VPS53: variants seen among roughly 807,000 people sequenced by gnomAD.
VPS53 encodes the protein vacuolar protein sorting-associated protein 53 homolog.
Under a neutral mutation model 107.0 loss-of-function variants are expected in VPS53, and 70 were observed. That is an observed-to-expected ratio of 0.65 (90% CI 0.54 to 0.80). The LOEUF (loss-of-function observed/expected upper bound fraction) is 0.80. VPS53 is among the 30% of genes least tolerant of loss of function. The pLI is 0.00. For synonymous variants in VPS53, 409 were observed against 393.3 expected, an observed-to-expected ratio of 1.04 and a Z score of -0.47; for missense variants, 917 against 1,049.4, an observed-to-expected ratio of 0.87 and a Z score of 1.74.
At chr17:560,665 G>A in intron 14 of VPS53, 92 bp from the exon 15 acceptor site, 1 of 1,477,974 alleles carries the variant, frequency 6.8e-7, no homozygotes, top group Non-Finnish European at 9.1e-7. Flanking sequence ...AGAAAAGGGG[G>A]AAGTAAAGGC....
At chr17:593,068 C>G (rs1967756627) in intron 12 of VPS53, among the ~76,000 whole-genome samples, 2 of 152,090 alleles carry the variant, frequency 1.3e-5, no homozygotes, top group Admixed American at 1.3e-4. Flanking sequence ...AAAGGATTCC[C>G]TATTTAATAA....
At chr17:666,708 AAG>A (rs1971705422) in intron 4 of VPS53, among the ~76,000 whole-genome samples, 1 of 151,892 alleles carries the variant, frequency 6.6e-6, no homozygotes, top group Non-Finnish European at 1.5e-5. Context: ...TCATGAGGTC[AAG>A]AGTTTGTGAC....
chr17:687,791 T>TC (rs1475829928), intron 4 of VPS53, among the ~76,000 whole-genome samples: 6 of 151,872 alleles, frequency 4.0e-5, no homozygotes, highest in African/African-American at 1.5e-4. Flanking sequence ...TTAATTCTAA[T>TC]CCCCCCTAAC....
chr17:602,764 A>G (rs956945971), intron 11 of VPS53, among the ~76,000 whole-genome samples: 3 of 152,224 alleles, frequency 2.0e-5, no homozygotes, highest in African/African-American at 7.2e-5. Flanking sequence ...AGGGTCACTG[A>G]TGACGTTAAT....
intron 4 of VPS53, among the ~76,000 whole-genome samples, chr17:664,605 A>C (rs185167033): frequency 1.3e-5 from 2 of 152,140 alleles, no homozygotes; most frequent in Non-Finnish European, 2.9e-5. Context: ...TGAAGGGTCT[A>C]AACAAGGGAC....
intron 4 of VPS53, among the ~76,000 whole-genome samples, chr17:678,795 C>A (rs144942687): frequency 3.0e-4 from 46 of 152,040 alleles, no homozygotes; most frequent in African/African-American, 1.2e-4. Flanking sequence ...CCCGCCATCA[C>A]GCCTGGCTAA....
At chr17:662,103 T>C (rs1275326078) in intron 4 of VPS53, among the ~76,000 whole-genome samples, 1 of 152,176 alleles carries the variant, frequency 6.6e-6, no homozygotes, top group Non-Finnish European at 1.5e-5. Context: ...CTTACCAATG[T>C]TCCTCACAAA....
intron 12 of VPS53, among the ~76,000 whole-genome samples, chr17:587,959 G>T (rs1967411542): frequency 6.6e-6 from 1 of 152,172 alleles, no homozygotes; most frequent in Non-Finnish European, 1.5e-5. Flanking sequence ...CATCAAGGCA[G>T]TAAGTGTATC....
At chr17:697,971 C>T (rs980643423) in intron 3 of VPS53, among the ~76,000 whole-genome samples, 4 of 152,164 alleles carry the variant, frequency 2.6e-5, no homozygotes, top group Admixed American at 6.5e-5. Context: ...CCTCTGCCCC[C>T]ACGGTTCACA....
At chr17:710,069 C>G (rs1973579908) in intron 2 of VPS53, among the ~76,000 whole-genome samples, 1 of 152,116 alleles carries the variant, frequency 6.6e-6, no homozygotes, top group Non-Finnish European at 1.5e-5. Flanking sequence ...CGCCTGAACC[C>G]AGGAGGCAGA....
In VPS53 at chr17:599,762, AT is replaced by A. The variant is rs957536815; in HGVS notation, c.1218+2032del. 2.6e-3 allele frequency among the ~76,000 whole-genome samples: 310 copies of A among 120,616 alleles called. 1 individual carries two copies. Among genetic ancestry groups the A allele is most frequent in the African/African-American group, 7.8e-3 (289 of 37,192 alleles). The allele number at this position is 120,616 out of a possible 152,430, so 79.1% of individuals were successfully genotyped here. Reference sequence around the variant, plus strand: ...AGAATTATCAATAAAAAATAAATAAATTAAAAAAAAAAACAAAAACAAAATG... The same window carrying A: ...AGAATTATCAATAAAAAATAAATAAATAAAAAAAAAAACAAAAACAAAATG... On this transcript the variant is annotated intron_variant, in intron 12 of 21. Coordinates refer to ENST00000437048, the MANE Select transcript of VPS53 (RefSeq NM_001128159.3).
chr17:610,492 A>C (rs1005841073), intron 11 of VPS53, among the ~76,000 whole-genome samples: 23 of 152,236 alleles, frequency 1.5e-4, no homozygotes, highest in Admixed American at 1.3e-4. Flanking sequence ...ATATGACACT[A>C]AACACAAGCA....
intron 15 of VPS53, among the ~76,000 whole-genome samples, chr17:555,484 A>AC (rs780381782): frequency 1.3e-5 from 2 of 151,536 alleles, no homozygotes; most frequent in Non-Finnish European, 2.9e-5. Flanking sequence ...GACGTGAGCC[A>AC]CCACGCCCGG....
intron 10 of VPS53, among the ~76,000 whole-genome samples, chr17:626,008 G>A (rs927426439): frequency 6.6e-6 from 1 of 152,100 alleles, no homozygotes; most frequent in African/African-American, 2.4e-5. Context: ...TTCAAGACCA[G>A]CCCGAACAAC....
At chr17:632,503 T>C (rs898508118) in intron 7 of VPS53, among the ~76,000 whole-genome samples, 2 of 152,160 alleles carry the variant, frequency 1.3e-5, no homozygotes, top group African/African-American at 4.8e-5. Context: ...TATTTGTTAC[T>C]TCTCCGTGTT....
chr17:576,530 T>G (rs1238392798), intron 13 of VPS53, among the ~76,000 whole-genome samples: 2 of 150,948 alleles, frequency 1.3e-5, no homozygotes, highest in Non-Finnish European at 2.9e-5. Context: ...GCTAATGCAT[T>G]CCCACAGAAC....
Position 714,711 on chromosome 17 carries a change from C to T in VPS53, c.-2G>A, listed in dbSNP as rs1326602105. ...CTCCAGTTCCTCCTCCTCCATCATTCCGCCACCCGGCCCCCTGCCGACCCC... is the reference window on the plus strand; with the variant it reads ...CTCCAGTTCCTCCTCCTCCATCATTTCGCCACCCGGCCCCCTGCCGACCCC... On this transcript the variant is annotated 5_prime_UTR_variant, in exon 1 of 22. Transcript: ENST00000437048. 3 of 1,613,552 alleles carry T rather than the reference C, an allele frequency of 1.9e-6. No homozygotes were observed. The Admixed American group carries it at 5.0e-5, about 27-fold the overall frequency.
intron 15 of VPS53, among the ~76,000 whole-genome samples, chr17:557,462 G>C (rs891666472): frequency 1.4e-5 from 2 of 147,294 alleles, no homozygotes; most frequent in Non-Finnish European, 2.9e-5. Context: ...TTTTGGGGTT[G>C]GGGGGACACT....
intron 4 of VPS53, chr17:673,694 C>G (rs556038984): frequency 6.6e-6 from 1 of 152,234 alleles, no homozygotes; most frequent in Non-Finnish European, 1.5e-5. Context: ...ACTTAGGAAC[C>G]TGGAGTATAA....
Sources: gnomAD v4.1 joint callset for allele counts (sites outside exome capture counted in the v4.1 genomes callset) on GRCh38, gnomAD v4.1.1 for gene constraint, MANE v1.5 for transcripts, NCBI Gene and HGNC (gene_info 2026-07-23, HGNC 2026-07-21) for gene names.